Variants in FAM120A observed in about 807,000 individuals in gnomAD.
FAM120A encodes the protein constitutive coactivator of PPAR-gamma-like protein 1.
A neutral mutation model predicts 109.7 loss-of-function variants in FAM120A; 15 were observed. That is an observed-to-expected ratio of 0.14 (90% CI 0.09 to 0.21). FAM120A has a LOEUF of 0.21. Among genes scored for constraint, FAM120A ranks in the 10% least tolerant of loss-of-function variants. The probability of loss-of-function intolerance (pLI) is 1.00; values close to 1 mark genes in which losing one functional copy is unlikely to be tolerated. For missense variants in FAM120A, 899 were observed against 1,439.3 expected (o/e 0.62, Z 6.07); for synonymous variants, 493 against 572.8 (o/e 0.86, Z 1.99).
At chr9:93,546,619 T>C (rs1384844778) in intron 11 of FAM120A, among the ~76,000 whole-genome samples, 5 of 152,310 alleles carry the variant, frequency 3.3e-5, no homozygotes, top group African/African-American at 1.2e-4. Context: ...TTTTGTTTGC[T>C]CCTCTCGATG....
intron 12 of FAM120A, among the ~76,000 whole-genome samples, chr9:93,554,999 C>T (rs1031359689): frequency 2.0e-5 from 3 of 152,198 alleles, no homozygotes; most frequent in Admixed American, 2.0e-4. Context: ...ACAGGGTTGG[C>T]TCCCTCTTTC....
chr9:93,476,330 T>A lies in FAM120A; in HGVS notation c.796T>A (p.Ser266Thr). ...ACTTGGTCCAGAACATCCACTAGCC[T>A]CACTAAAGGTACAAATTTCACTTTA... ...SLLGPEHPLA[S>T]LKVRAHQLVL... The change falls in exon 3 of 18, where the codon TCA (serine) becomes ACA (threonine). Residue 266 changes from serine to threonine, a missense_variant. This residue lies in a region of FAM120A where 258 missense variants were observed against 451.4 expected (regional missense o/e 0.57). Transcript: ENST00000277165. The A allele has an allele frequency of 1.3e-6, 2 of 1,592,140 alleles. No homozygotes were observed. The highest frequency in any genetic ancestry group is 8.6e-7 in the Non-Finnish European group (1 of 1,161,288).
rs1237859909 is a variant in FAM120A at position 93,557,877 on chromosome 9, G to C, written c.2535G>C (p.Gly845=). The part of the protein sequence containing the change: ...VEKMRQSVLE[G]LSFSRQSHTL... ...AGATGCGCCAGAGCGTCCTCGAGGG[G>C]CTCAGCTTCTCCAGGCAGAGCCACA... Residue 845 remains glycine (G), a synonymous_variant, in exon 14 of 18, where the codon GGG becomes GGC. Coordinates refer to ENST00000277165, the MANE Select transcript of FAM120A (RefSeq NM_014612.5). The C allele has an allele frequency of 6.2e-7, 1 of 1,613,654 alleles. No individual in the cohort carries two copies.
intron 5 of FAM120A, among the ~76,000 whole-genome samples, chr9:93,499,121 A>G (rs1217218313): frequency 6.6e-6 from 1 of 152,172 alleles, no homozygotes; most frequent in African/African-American, 2.4e-5. Context: ...CATTGTGCAG[A>G]TGAGGCAGCA....
intron 15 of FAM120A, among the ~76,000 whole-genome samples, chr9:93,559,905 T>G (rs778806487): frequency 7.9e-5 from 12 of 152,248 alleles, no homozygotes; most frequent in Non-Finnish European, 1.8e-4. Context: ...TGCTGGCCAC[T>G]GCTCTGTTGA....
intron 10 of FAM120A, among the ~76,000 whole-genome samples, chr9:93,539,608 A>T (rs1260515011): frequency 2.6e-5 from 4 of 152,216 alleles, no homozygotes; most frequent in African/African-American, 9.6e-5. Flanking sequence ...CCCACCCAGG[A>T]TGTGCTGGAG....
chr9:93,559,052 C>T (rs894222844), intron 15 of FAM120A, among the ~76,000 whole-genome samples: 1 of 152,178 alleles, frequency 6.6e-6, no homozygotes, highest in Admixed American at 6.5e-5. Flanking sequence ...TCCCAAGCAG[C>T]CATCTTTTGG....
rs1329202967 is a variant in FAM120A, at chr9:93,561,205, G to T, written c.2903G>T (p.Gly968Val). The change falls in exon 16 of 18, where the codon GGG (glycine) becomes GTG (valine). Residue 968 changes from glycine (G) to valine (V), a missense_variant. Gly to Val is a moderately radical substitution (Grantham distance 109, BLOSUM62 -3). This residue lies in a region of FAM120A where 170 missense variants were observed against 205.0 expected (regional missense o/e 0.83). Transcript: ENST00000277165. ...AGCAGGCGGGGCCGTGGGGGCCGGG[G>T]GCCTTTCCCCCTGCAGGTGGTTTCT... ...AGSRRGRGGR[G>V]PFPLQVVSVG... 6 of 1,613,340 alleles carry T rather than the reference G, an allele frequency of 3.7e-6. No individual in the cohort carries two copies. The Admixed American group carries it at 8.4e-5, about 22-fold the overall frequency.
intron 12 of FAM120A, 106 bp from the exon 13 acceptor site, chr9:93,556,276 T>C: frequency 1.1e-6 from 1 of 891,864 alleles, no homozygotes; most frequent in Non-Finnish European, 1.8e-6. Context: ...TGGTGCTGTT[T>C]TGTTGAGGAA....
At chr9:93,538,298 C>G (rs111985268) in intron 10 of FAM120A, among the ~76,000 whole-genome samples, 2,046 of 152,140 alleles carry the variant, frequency 0.013, 32 homozygotes, top group Middle Eastern at 0.099. Context: ...TGCTTACAGA[C>G]GTATCAGCCT....
intron 10 of FAM120A, among the ~76,000 whole-genome samples, chr9:93,541,550 A>G (rs1168274560): frequency 1.3e-5 from 2 of 152,226 alleles, no homozygotes; most frequent in African/African-American, 4.8e-5. Context: ...ATGTATTTAT[A>G]TATACATGTA....
At chr9:93,502,248 CATATT>C (rs775722991) in intron 5 of FAM120A, among the ~76,000 whole-genome samples, 9 of 147,800 alleles carry the variant, frequency 6.1e-5, no homozygotes, top group African/African-American at 1.6e-4. Flanking sequence ...TTAGGGTAAT[CATATT>C]ATAAGCTTAG....
At chr9:93,501,410 G>A (rs1859795894) in intron 5 of FAM120A, among the ~76,000 whole-genome samples, 1 of 152,088 alleles carries the variant, frequency 6.6e-6, no homozygotes, top group African/African-American at 2.4e-5. Flanking sequence ...AAGATTTTAG[G>A]TGAGTATTTT....
At position 93,558,633 on chromosome 9, in the gene FAM120A, C is replaced by T. The variant is rs1277796901; in HGVS notation, c.2721C>T (p.Tyr907=). The T allele has an allele frequency of 6.2e-7, 1 of 1,614,218 alleles. No individual in the cohort carries two copies. The highest frequency in any genetic ancestry group is 2.2e-5 in the East Asian group (1 of 44,890). ...GGGAAACGGTAGCAACAGGCCCTTA[C>T]CGTGCCTTCCGTGTGGCGGCAGCAT... ...PYGETVATGP[Y]RAFRVAAASG... Residue 907 remains tyrosine, a synonymous_variant, in exon 15 of 18, where the codon TAC becomes TAT. Transcript: ENST00000277165.
chr9:93,506,629 G>A (rs1366133243), intron 5 of FAM120A, among the ~76,000 whole-genome samples: 1 of 149,372 alleles, frequency 6.7e-6, no homozygotes, highest in Non-Finnish European at 1.5e-5. Context: ...ATGGAGTCTC[G>A]CTCTGTCGCC....
At chr9:93,497,934 A>G (rs1859642208) in intron 4 of FAM120A, among the ~76,000 whole-genome samples, 1 of 152,238 alleles carries the variant, frequency 6.6e-6, no homozygotes, top group Non-Finnish European at 1.5e-5. Context: ...AGTTTTCAGA[A>G]CATGAACTGT....
At chr9:93,543,558 T>C (rs1462222702) in intron 11 of FAM120A, 87 bp downstream of exon 11, 4 of 1,481,384 alleles carry the variant, frequency 2.7e-6, no homozygotes, top group Admixed American at 4.5e-5. Flanking sequence ...CTAGAAAGGA[T>C]GTAAAGTTTA....
At chr9:93,483,182 CAAAGAAGG>C (rs1257134106) in intron 3 of FAM120A, among the ~76,000 whole-genome samples, 2 of 152,116 alleles carry the variant, frequency 1.3e-5, no homozygotes, top group Non-Finnish European at 2.9e-5. Flanking sequence ...GTGAACCCTC[CAAAGAAGG>C]AATTTCTCCT....
At chr9:93,486,999 T>C (rs901424234) in intron 3 of FAM120A, among the ~76,000 whole-genome samples, 2 of 152,230 alleles carry the variant, frequency 1.3e-5, no homozygotes, top group African/African-American at 4.8e-5. Flanking sequence ...ATGAGGTTTC[T>C]CATTTTTGTT....
Sources: allele counts gnomAD v4.1 joint callset (sites outside exome capture counted in the v4.1 genomes callset), GRCh38; gene constraint gnomAD v4.1.1; regional missense constraint gnomAD v4.1.1; transcripts MANE v1.5; gene names NCBI Gene and HGNC (gene_info 2026-07-23, HGNC 2026-07-21).